The following BRD10 variants were observed in gnomAD, a reference collection of about 807,000 sequenced individuals.
The protein encoded by BRD10 is uncharacterized bromodomain-containing protein 10.
At chr9:5,951,035 TACACACACACACACACACACACACAC>T in the BRD10 span, among the ~76,000 whole-genome samples, 3 of 141,664 alleles carry the variant, frequency 2.1e-5, no homozygotes, top group African/African-American at 5.3e-5. Context: ...GGGCTGACTG[TACACACACACACACACACACACACAC>T]ACACACACAC....
At chr9:5,975,438 TCA>T in the BRD10 span, among the ~76,000 whole-genome samples, 2 of 23,804 alleles carry the variant, frequency 8.4e-5, no homozygotes, top group African/African-American at 4.3e-4. Context: ...AAACTCCATC[TCA>T]AAAAAAAAAA....
At chr9:5,911,561 G>A in the BRD10 span, among the ~76,000 whole-genome samples, 8 of 143,920 alleles carry the variant, frequency 5.6e-5, no homozygotes, top group Non-Finnish European at 1.1e-4. Context: ...TTTTTGAGAC[G>A]GTCTCTCTCT....
chr9:5,979,826 G>T, the BRD10 span, among the ~76,000 whole-genome samples: 1 of 151,790 alleles, frequency 6.6e-6, no homozygotes, highest in African/African-American at 2.4e-5. Context: ...CACCAGCCTG[G>T]GCAACATGGT....
chr9:6,007,553 G>C, the BRD10 span: 2 of 1,612,996 alleles, frequency 1.2e-6, no homozygotes, highest in African/African-American at 1.3e-5. Flanking sequence ...CCCTGCTGTA[G>C]CTCGTAGGTC....
At chr9:5,970,168 A>C in the BRD10 span, among the ~76,000 whole-genome samples, 1 of 152,232 alleles carries the variant, frequency 6.6e-6, no homozygotes, top group Non-Finnish European at 1.5e-5. Flanking sequence ...AAAGTTATGT[A>C]CTTACCAATG....
chr9:5,884,121 A>G, the BRD10 span, among the ~76,000 whole-genome samples: 2 of 152,170 alleles, frequency 1.3e-5, no homozygotes, highest in African/African-American at 4.8e-5. Flanking sequence ...GAGCCCTGCC[A>G]TTCAGGTATA....
the BRD10 span, among the ~76,000 whole-genome samples, chr9:5,991,724 T>TAAA: frequency 3.4e-4 from 40 of 117,998 alleles, no homozygotes; most frequent in African/African-American, 1.1e-3. Context: ...GACTCTGTCT[T>TAAA]AAAAAAAAAA....
the BRD10 span, among the ~76,000 whole-genome samples, chr9:5,885,160 C>T: frequency 6.6e-6 from 1 of 152,218 alleles, no homozygotes. Flanking sequence ...CCACTATCCC[C>T]TCACCATCAG....
chr9:5,885,538 T>A, the BRD10 span, among the ~76,000 whole-genome samples: 1 of 151,988 alleles, frequency 6.6e-6, no homozygotes, highest in African/African-American at 2.4e-5. Flanking sequence ...GCCCGGCTAA[T>A]TTTTTTGTAT....
the BRD10 span, among the ~76,000 whole-genome samples, chr9:5,992,907 G>A: frequency 5.0e-5 from 6 of 120,674 alleles, no homozygotes; most frequent in Non-Finnish European, 9.3e-5. Context: ...ATAGATGTTT[G>A]AACACTTTTG....
At chr9:5,963,435 G>A in the BRD10 span, among the ~76,000 whole-genome samples, 69 of 142,430 alleles carry the variant, frequency 4.8e-4, no homozygotes, top group Non-Finnish European at 9.0e-4. Context: ...AACATTTCAT[G>A]CTCATGGGTA....
At chr9:5,953,021 CTGT>C in the BRD10 span, among the ~76,000 whole-genome samples, 1 of 152,060 alleles carries the variant, frequency 6.6e-6, no homozygotes, top group Non-Finnish European at 1.5e-5. Context: ...TTTTCTTTAA[CTGT>C]TGATTTAAAA....
chr9:5,950,167 C>G, the BRD10 span, among the ~76,000 whole-genome samples: 2 of 152,092 alleles, frequency 1.3e-5, no homozygotes, highest in African/African-American at 2.4e-5. Context: ...TAATCATGTG[C>G]CACTTTCATT....
At chr9:6,004,900 T>C in the BRD10 span, among the ~76,000 whole-genome samples, 2 of 152,220 alleles carry the variant, frequency 1.3e-5, no homozygotes, top group African/African-American at 4.8e-5. Context: ...TCCACAAGTG[T>C]GGTCTCGCAA....
At chr9:5,922,211 G>T in the BRD10 span, 7 of 1,613,978 alleles carry the variant, frequency 4.3e-6, no homozygotes, top group South Asian at 7.7e-5. Context: ...TGCTTCAGAA[G>T]AATCAGCAGT....
chr9:6,001,800 C>T, the BRD10 span, among the ~76,000 whole-genome samples: 1 of 152,152 alleles, frequency 6.6e-6, no homozygotes, highest in Non-Finnish European at 1.5e-5. Context: ...CTCCTCTGCA[C>T]ACTATAATAT....
At chr9:5,987,479 T>C in the BRD10 span, among the ~76,000 whole-genome samples, 4 of 152,012 alleles carry the variant, frequency 2.6e-5, no homozygotes, top group East Asian at 5.8e-4. Flanking sequence ...TTTCCTATAG[T>C]AGGAGTAGTT....
chr9:5,978,854 T>C, the BRD10 span, among the ~76,000 whole-genome samples: 1 of 152,216 alleles, frequency 6.6e-6, no homozygotes, highest in Non-Finnish European at 1.5e-5. Context: ...ATGTTGTTCA[T>C]GCAATATCAA....
chr9:5,892,699 T>C, the BRD10 span: 1 of 634,350 alleles, frequency 1.6e-6, no homozygotes, highest in Non-Finnish European at 2.6e-6. Flanking sequence ...GGGAGGAGAT[T>C]CTGTGCTTCT....
Sources: gnomAD v4.1 joint callset for allele counts (sites outside exome capture counted in the v4.1 genomes callset) on GRCh38, gnomAD v4.1.1 for gene constraint, MANE v1.5 for transcripts, NCBI Gene and HGNC (gene_info 2026-07-23, HGNC 2026-07-21) for gene names.